The following UNK variants were observed in gnomAD, a reference collection of about 807,000 sequenced individuals.
UNK encodes unk zinc finger, also known as RING finger protein unkempt homolog.
Under a neutral mutation model 97.6 loss-of-function variants are expected in UNK, and 32 were observed. That is an observed-to-expected ratio of 0.33 (90% CI 0.25 to 0.44). UNK has a LOEUF of 0.44. Among genes scored for constraint, UNK ranks in the 20% least tolerant of loss-of-function variants. The probability of loss-of-function intolerance (pLI) is 1.00; values close to 1 mark genes in which losing one functional copy is unlikely to be tolerated. For missense variants in UNK, 771 were observed against 1,098.4 expected, an observed-to-expected ratio of 0.70 and a Z score of 4.21; for synonymous variants, 441 against 461.2, an observed-to-expected ratio of 0.96 and a Z score of 0.56.
intron 1 of UNK, among the ~76,000 whole-genome samples, chr17:75,806,386 G>T (rs2061916979): frequency 6.6e-6 from 1 of 151,914 alleles, no homozygotes; most frequent in African/African-American, 2.4e-5. Flanking sequence ...TTGAACCTGG[G>T]AGGCAGAGGT....
In UNK at chr17:75,818,179, C is replaced by T; in HGVS notation, c.1371+11C>T. The T allele has an allele frequency of 6.2e-7, 1 of 1,613,370 alleles. No homozygotes were observed. Among genetic ancestry groups the T allele is most frequent in the Non-Finnish European group, 8.5e-7 (1 of 1,179,704 alleles). ...CTTCAGCCCAAACAGGTATAGAGCT[C>T]TCAGCCCCCTTCCTCCCCTCTGCTG... On this transcript the variant is annotated intron_variant, in intron 10 of 15. Coordinates refer to ENST00000589666, the MANE Select transcript of UNK (RefSeq NM_001080419.3). The surrounding 1 kb of genome is among the most constrained non-coding windows in gnomAD (Gnocchi z 5.1).
At chr17:75,813,676 T>C (rs2061990734) in intron 5 of UNK, 85 bp from the exon 6 acceptor site, 1 of 1,181,932 alleles carries the variant, frequency 8.5e-7, no homozygotes, top group South Asian at 1.5e-5. Flanking sequence ...TGCTCATGCC[T>C]ATGAGGCTGG....
In UNK at chr17:75,823,538, G is replaced by T; in HGVS notation, c.2277+16G>T. On this transcript the variant is annotated intron_variant, in intron 15 of 15. Coordinates refer to ENST00000589666, the MANE Select transcript of UNK (RefSeq NM_001080419.3). Reference sequence around the variant, plus strand: ...AGTGGACAAGGTCAGCCCAGGTCGGGGAGCACTGGGTGGGATGCACGGTGG... The same window carrying T: ...AGTGGACAAGGTCAGCCCAGGTCGGTGAGCACTGGGTGGGATGCACGGTGG... 6.5e-7 allele frequency: 1 copy of T among 1,529,346 alleles called. No individual in the cohort carries two copies. The highest frequency in any genetic ancestry group is 8.8e-7 in the Non-Finnish European group (1 of 1,131,968). The allele number at this position is 1,529,346 out of a possible 1,614,324, so 94.7% of individuals were successfully genotyped here.
rs190649151 is a variant in UNK at position 75,819,796 on chromosome 17, T to C, written c.1648+11T>C. 3.1e-6 allele frequency: 5 copies of C among 1,613,622 alleles called. No individual in the cohort carries two copies. In the South Asian group the frequency reaches 5.5e-5, roughly 18 times the overall value. On this transcript the variant is annotated intron_variant, in intron 12 of 15. Transcript: ENST00000589666. The surrounding 1 kb of genome is among the most constrained non-coding windows in gnomAD (Gnocchi z 5.4). ...GAAGCATCACCATCGGTACTGGGTGTGGGTGGGCAGGGCAGCCTGGAGGAC... is the reference window on the plus strand; with the variant it reads ...GAAGCATCACCATCGGTACTGGGTGCGGGTGGGCAGGGCAGCCTGGAGGAC...
chr17:75,817,322 G>A lies in UNK; in HGVS notation c.1105-4G>A, dbSNP rs750879720. 3.2e-5 allele frequency: 50 copies of A among 1,568,542 alleles called. No individual in the cohort carries two copies. Among genetic ancestry groups the A allele is most frequent in the East Asian group, 4.5e-5 (2 of 44,134 alleles). On this transcript the variant is annotated splice_region_variant and splice_polypyrimidine_tract_variant and intron_variant, in intron 8 of 15. Coordinates refer to ENST00000589666, the MANE Select transcript of UNK (RefSeq NM_001080419.3). The surrounding 1 kb of genome is among the most constrained non-coding windows in gnomAD (Gnocchi z 5.8). ...GGCCCACTCCCTCCCCTCCTTCTCC[G>A]CAGCTCCTCTGTAGAAACAGCAGCC...
chr17:75,799,564 C>T (rs1235161615), intron 1 of UNK, among the ~76,000 whole-genome samples: 4 of 152,160 alleles, frequency 2.6e-5, no homozygotes, highest in Admixed American at 2.6e-4. Context: ...AGGTTTCTAC[C>T]ACTTGGGGTG....
intron 15 of UNK, 148 bp downstream of exon 15, chr17:75,823,670 C>G: frequency 8.2e-7 from 1 of 1,215,632 alleles, no homozygotes; most frequent in Non-Finnish European, 1.1e-6. Context: ...GGCCGGCCTG[C>G]TGGGAATGGG....
intron 1 of UNK, among the ~76,000 whole-genome samples, chr17:75,801,097 G>A (rs1450139037): frequency 1.3e-5 from 2 of 151,752 alleles, no homozygotes; most frequent in East Asian, 3.9e-4. Flanking sequence ...TAGAGACGGG[G>A]TTTCACCATG....
At chr17:75,797,432 C>T (rs1334009403) in intron 1 of UNK, among the ~76,000 whole-genome samples, 1 of 152,102 alleles carries the variant, frequency 6.6e-6, no homozygotes, top group Non-Finnish European at 1.5e-5. Flanking sequence ...ATGGGGTTTC[C>T]CCATGTTGGC....
At chr17:75,821,548 A>G (rs1217538893) in intron 13 of UNK, 1 of 452,918 alleles carries the variant, frequency 2.2e-6, no homozygotes, top group East Asian at 7.0e-5. Flanking sequence ...CAGACAGTGC[A>G]TGCCACAGGG....
At chr17:75,790,622 C>T (rs2061755380) in intron 1 of UNK, among the ~76,000 whole-genome samples, 1 of 151,904 alleles carries the variant, frequency 6.6e-6, no homozygotes, top group African/African-American at 2.4e-5. Flanking sequence ...CAGAGCAAGA[C>T]CCTATCTGAA....
chr17:75,787,524 CTCT>C (rs748126138), intron 1 of UNK, among the ~76,000 whole-genome samples: 1 of 146,624 alleles, frequency 6.8e-6, no homozygotes, highest in East Asian at 2.0e-4. Flanking sequence ...TTTTTTTTTC[CTCT>C]TCTTAAAAGA....
At position 75,817,667 on chromosome 17, in the gene UNK, C is replaced by T; in HGVS notation, c.1305+141C>T. On this transcript the variant is annotated intron_variant, in intron 9 of 15. Coordinates refer to ENST00000589666, the MANE Select transcript of UNK (RefSeq NM_001080419.3). The surrounding 1 kb of genome is among the most constrained non-coding windows in gnomAD (Gnocchi z 5.8). The stretch of plus-strand genomic sequence containing the variant: ...TGTCCTCGGCCTCTTCAGGACTGAA[C>T]AGAGGGAGCAGTGTCAGCCCATTTG... 1 of 939,048 alleles carries T rather than the reference C, an allele frequency of 1.1e-6. No homozygotes were observed. 58.2% of individuals were successfully genotyped at this position (939,048 alleles called of 1,614,324 possible).
chr17:75,806,628 C>T (rs2143755420), intron 1 of UNK, among the ~76,000 whole-genome samples: 1 of 151,982 alleles, frequency 6.6e-6, no homozygotes, highest in East Asian at 1.9e-4. Context: ...AAAACATTAG[C>T]TGGGCGTGGT....
chr17:75,818,585 T>C lies in UNK; in HGVS notation c.1372-57T>C. 1 of 1,526,964 alleles carries C rather than the reference T, an allele frequency of 6.5e-7. No homozygotes were observed. Among genetic ancestry groups the C allele is most frequent in the Non-Finnish European group, 8.8e-7 (1 of 1,131,540 alleles). 94.6% of individuals were successfully genotyped at this position (1,526,964 alleles called of 1,614,324 possible). On this transcript the variant is annotated intron_variant, in intron 10 of 15. Transcript: ENST00000589666. This position sits in a 1 kb window ranked among gnomAD's most constrained non-coding sequence, Gnocchi z 5.1. ...CCCCCAGCCCCTCTCCAGCCTCTCG[T>C]CCTGGCCTCCGTATGCAGGCCTACC...
At chr17:75,823,714 G>GA (rs1257109076) in intron 15 of UNK, among the ~76,000 whole-genome samples, 192 bp downstream of exon 15, 1 of 152,194 alleles carries the variant, frequency 6.6e-6, no homozygotes, top group Non-Finnish European at 1.5e-5. Context: ...TGAAAAGGCT[G>GA]GGGGTGAGGG....
intron 1 of UNK, among the ~76,000 whole-genome samples, chr17:75,805,972 C>T (rs938089346): frequency 1.1e-4 from 17 of 151,588 alleles, no homozygotes; most frequent in African/African-American, 3.4e-4. Context: ...GTCCGCTGGG[C>T]GTGGTGGCTC....
At position 75,816,929 on chromosome 17, in the gene UNK, G is replaced by T; in HGVS notation, c.1104+17G>T. ...CTCAGTGCCGTACGTGTCCATCCTGGGGAGTGGGTGGGCACCATGCCTGAC... is the reference window on the plus strand; with the variant it reads ...CTCAGTGCCGTACGTGTCCATCCTGTGGAGTGGGTGGGCACCATGCCTGAC... On this transcript the variant is annotated intron_variant, in intron 8 of 15. Transcript: ENST00000589666. This position sits in a 1 kb window ranked among gnomAD's most constrained non-coding sequence, Gnocchi z 4.0. 1 of 1,592,478 alleles carries T rather than the reference G, an allele frequency of 6.3e-7. No homozygotes were observed. The highest frequency in any genetic ancestry group is 2.3e-5 in the East Asian group (1 of 44,408).
chr17:75,785,128 T>C, intron 1 of UNK, 144 bp downstream of exon 1: 1 of 551,496 alleles, frequency 1.8e-6, no homozygotes, highest in Non-Finnish European at 3.1e-6. Context: ...TCCAACCTGC[T>C]GGGGCCGGTC....
Sources: allele counts gnomAD v4.1 joint callset (sites outside exome capture counted in the v4.1 genomes callset), GRCh38; gene constraint gnomAD v4.1.1; non-coding constraint Gnocchi (gnomAD v3.1); transcripts MANE v1.5; gene names NCBI Gene and HGNC (gene_info 2026-07-23, HGNC 2026-07-21).